Variants in ADRA1A observed in about 807,000 individuals in gnomAD.
The protein encoded by ADRA1A is alpha-1A adrenergic receptor.
ADRA1A carries 31 observed loss-of-function variants against 29.6 expected under a neutral mutation model. That is an observed-to-expected ratio of 1.05 (90% CI 0.79 to 1.41). ADRA1A has a LOEUF of 1.41. ADRA1A is among the 40% of genes most tolerant of loss of function. The pLI is 0.00. For missense variants in ADRA1A, 619 were observed against 601.1 expected, an observed-to-expected ratio of 1.03 and a Z score of -0.31; for synonymous variants, 311 against 254.3, an observed-to-expected ratio of 1.22 and a Z score of -2.12.
chr8:26,837,667 T>C (rs1458633705), intron 2 of ADRA1A, among the ~76,000 whole-genome samples: 2 of 121,734 alleles, frequency 1.6e-5, no homozygotes, highest in Non-Finnish European at 3.4e-5. Context: ...AAAAAAAAAG[T>C]GTACAGTAGC....
At chr8:26,833,288 C>A (rs776698414) in intron 2 of ADRA1A, among the ~76,000 whole-genome samples, 2 of 152,140 alleles carry the variant, frequency 1.3e-5, no homozygotes, top group Admixed American at 6.5e-5. Flanking sequence ...GGAAGCCATG[C>A]AACCCAGCCC....
At chr8:26,780,636 C>A (rs190982450) in intron 2 of ADRA1A, among the ~76,000 whole-genome samples, 3 of 152,294 alleles carry the variant, frequency 2.0e-5, no homozygotes, top group African/African-American at 7.2e-5. Flanking sequence ...CAGGGAAACC[C>A]CTGGGCCACA....
rs1407014536 is a variant in ADRA1A, at chr8:26,821,049, C to T, written c.883+43038G>A. Among the ~76,000 whole-genome samples the T allele has an allele frequency of 6.6e-6, 1 of 152,082 alleles. No homozygotes were observed. Among genetic ancestry groups the T allele is most frequent in the Non-Finnish European group, 1.5e-5 (1 of 68,028 alleles). ...AGGATTACAGGCAGGTGCCACCACA[C>T]CTGGCTAATTTTTGTATTTTTAGTA... On this transcript the variant is annotated intron_variant, in intron 2 of 2. Coordinates refer to ENST00000380573, the MANE Select transcript of ADRA1A (RefSeq NM_000680.4). The surrounding 1 kb of genome is among the most constrained non-coding windows in gnomAD (Gnocchi z 5.6).
downstream of ADRA1A, among the ~76,000 whole-genome samples, chr8:26,752,027 T>C (rs543462797): frequency 6.6e-6 from 1 of 152,210 alleles, no homozygotes; most frequent in East Asian, 1.9e-4. Flanking sequence ...TGTGGGATAA[T>C]TTACACCACA....
At position 26,796,525 on chromosome 8, in the gene ADRA1A, T is replaced by C. The variant is rs1297965973; in HGVS notation, c.884-25859A>G. ...TTCATTATGAATGAACAAAGACTGG[T>C]AGAAATCCTATGGTAATTCACAGCC... On this transcript the variant is annotated intron_variant, in intron 2 of 2. Transcript: ENST00000380573. This position sits in a 1 kb window ranked among gnomAD's most constrained non-coding sequence, Gnocchi z 5.0. 1.3e-5 allele frequency among the ~76,000 whole-genome samples: 2 copies of C among 152,044 alleles called. No individual in the cohort carries two copies. The highest frequency in any genetic ancestry group is 2.9e-5 in the Non-Finnish European group (2 of 68,016).
chr8:26,799,352 CAG>C (rs932183960), intron 2 of ADRA1A, among the ~76,000 whole-genome samples: 4 of 152,084 alleles, frequency 2.6e-5, no homozygotes, highest in African/African-American at 7.2e-5. Context: ...GTGGAGAAAA[CAG>C]AGGTTGTCAC....
At chr8:26,751,173 A>G (rs1250227475) in intron 2 of ADRA1A, among the ~76,000 whole-genome samples, 2 of 152,192 alleles carry the variant, frequency 1.3e-5, no homozygotes, top group African/African-American at 4.8e-5. Flanking sequence ...GATAGGATTC[A>G]GAAACCCAGA....
In ADRA1A at chr8:26,805,146, G is replaced by A. The variant is rs933149090; in HGVS notation, c.884-34480C>T. On this transcript the variant is annotated intron_variant, in intron 2 of 2. Transcript: ENST00000380573. This position sits in a 1 kb window ranked among gnomAD's most constrained non-coding sequence, Gnocchi z 4.8. ...TAGACTAGGAATCAAATCCTAAAAC[G>A]TCAGTTATATTGTGTCCCACTGTGA... is the stretch of plus-strand genomic sequence containing the variant. Among the ~76,000 whole-genome samples the A allele has an allele frequency of 3.3e-5, 5 of 152,156 alleles. No individual in the cohort carries two copies. The highest frequency in any genetic ancestry group is 5.9e-5 in the Non-Finnish European group (4 of 68,020).
chr8:26,771,071 C>T (rs1049103058), intron 2 of ADRA1A, among the ~76,000 whole-genome samples: 5 of 152,180 alleles, frequency 3.3e-5, no homozygotes, highest in African/African-American at 1.2e-4. Context: ...TCTGAACATG[C>T]CCTTTATTCT....
intron 2 of ADRA1A, among the ~76,000 whole-genome samples, chr8:26,838,612 A>G (rs1811565395): frequency 6.6e-6 from 1 of 152,224 alleles, no homozygotes; most frequent in South Asian, 2.1e-4. Context: ...CACTTTCATC[A>G]TTCAGCTGGT....
intron 2 of ADRA1A, among the ~76,000 whole-genome samples, chr8:26,820,965 C>T (rs1448210258): frequency 6.6e-6 from 1 of 152,080 alleles, no homozygotes. Context: ...TCTTAGCTCA[C>T]TGCAACTTCC....
chr8:26,759,536 A>G (rs566997369), intron 2 of ADRA1A, among the ~76,000 whole-genome samples: 1 of 152,314 alleles, frequency 6.6e-6, no homozygotes, highest in East Asian at 1.9e-4. Context: ...GCTGTCATTC[A>G]GCACCACATT....
chr8:26,853,426 AT>A (rs1269556670), intron 2 of ADRA1A, among the ~76,000 whole-genome samples: 2 of 152,234 alleles, frequency 1.3e-5, no homozygotes, highest in Non-Finnish European at 2.9e-5. Context: ...AGACAAAATA[AT>A]TTTGAAAAAG....
intron 2 of ADRA1A, chr8:26,854,014 CT>C (rs1278548713): frequency 6.6e-6 from 1 of 151,936 alleles, no homozygotes; most frequent in Admixed American, 6.6e-5. Flanking sequence ...CTCTCTCTCT[CT>C]GCCTCTCTCT....
At position 26,770,077 on chromosome 8, in the gene ADRA1A, G is replaced by C. The variant is rs1302637461; in HGVS notation, c.*72C>G. 2.0e-6 allele frequency: 3 copies of C among 1,514,006 alleles called. No homozygotes were observed. Among genetic ancestry groups the C allele is most frequent in the African/African-American group, 1.4e-5 (1 of 71,630 alleles). The allele number at this position is 1,514,006 out of a possible 1,614,324, so 93.8% of individuals were successfully genotyped here. A position where few individuals can be genotyped will look rare whatever the true frequency, so the allele number is the denominator to read the frequency against. On this transcript the variant is annotated 3_prime_UTR_variant, in exon 3 of 3. Coordinates refer to ENST00000380573, the MANE Select transcript of ADRA1A (RefSeq NM_000680.4). Reference sequence around the variant, plus strand: ...TTGGTCCTGTCTTGTCCTCCAAGAAGAGCTGGCCTTCCGAGAAGGAAGTGG... The same window carrying C: ...TTGGTCCTGTCTTGTCCTCCAAGAACAGCTGGCCTTCCGAGAAGGAAGTGG...
intron 2 of ADRA1A, among the ~76,000 whole-genome samples, chr8:26,822,677 G>A (rs1810258604): frequency 6.6e-6 from 1 of 152,200 alleles, no homozygotes; most frequent in Non-Finnish European, 1.5e-5. Flanking sequence ...GTATTAGTCT[G>A]TTCTCACATT....
chr8:26,787,415 C>G lies in ADRA1A; in HGVS notation c.884-16749G>C, dbSNP rs116313763. On this transcript the variant is annotated intron_variant, in intron 2 of 2. Coordinates refer to ENST00000380573, the MANE Select transcript of ADRA1A (RefSeq NM_000680.4). The surrounding 1 kb of genome is among the most constrained non-coding windows in gnomAD (Gnocchi z 4.2). ...GACATGGAAAAAAAACCCACACATA[C>G]TATATTCTGTCTGAAAAGACTTTGA... Among the ~76,000 whole-genome samples, 904 of 152,252 alleles carry G rather than the reference C, an allele frequency of 5.9e-3. 14 individuals carry two copies. Among genetic ancestry groups the G allele is most frequent in the African/African-American group, 0.018 (763 of 41,570 alleles).
At chr8:26,800,640 C>G (rs891779626) in intron 2 of ADRA1A, among the ~76,000 whole-genome samples, 5 of 152,080 alleles carry the variant, frequency 3.3e-5, no homozygotes, top group African/African-American at 1.2e-4. Context: ...AATCCTGGAA[C>G]CCAATCAATG....
intron 2 of ADRA1A, among the ~76,000 whole-genome samples, chr8:26,822,099 T>C (rs1810214393): frequency 6.6e-6 from 1 of 152,230 alleles, no homozygotes; most frequent in Non-Finnish European, 1.5e-5. Flanking sequence ...CTCTCTAGAA[T>C]ATGTGGCCAG....
Sources: gnomAD v4.1 joint callset for allele counts (sites outside exome capture counted in the v4.1 genomes callset) on GRCh38, gnomAD v4.1.1 for gene constraint, Gnocchi (gnomAD v3.1) non-coding constraint, MANE v1.5 for transcripts, NCBI Gene and HGNC (gene_info 2026-07-23, HGNC 2026-07-21) for gene names.